The following PTPDC1 variants were observed in gnomAD, a reference collection of about 807,000 sequenced individuals.
The protein encoded by PTPDC1 is protein tyrosine phosphatase domain-containing protein 1.
PTPDC1 carries 53 observed loss-of-function variants against 75.3 expected under a neutral mutation model. That is an observed-to-expected ratio of 0.70 (90% CI 0.56 to 0.88). The LOEUF is 0.88. PTPDC1 is among the 40% of genes least tolerant of loss of function. The probability of loss-of-function intolerance (pLI) is 0.00; values close to 1 mark genes in which losing one functional copy is unlikely to be tolerated. For synonymous variants in PTPDC1, 349 were observed against 366.2 expected, an observed-to-expected ratio of 0.95 and a Z score of 0.54; for missense variants, 925 against 998.6, an observed-to-expected ratio of 0.93 and a Z score of 0.99.
At chr9:94,036,809 AG>A (rs1174755359) in intron 1 of PTPDC1, among the ~76,000 whole-genome samples, 1 of 152,220 alleles carries the variant, frequency 6.6e-6, no homozygotes, top group Non-Finnish European at 1.5e-5. Context: ...CAGGGAACAG[AG>A]TTGCATTTTT....
At chr9:94,050,012 C>T (rs1473347071) in intron 1 of PTPDC1, among the ~76,000 whole-genome samples, 1 of 152,228 alleles carries the variant, frequency 6.6e-6, no homozygotes, top group Non-Finnish European at 1.5e-5. Flanking sequence ...GAATCGGCTA[C>T]TGAGGCTTGT....
At chr9:94,107,749 C>T (rs1257018457) in intron 8 of PTPDC1, 79 bp from the exon 9 acceptor site, 2 of 658,396 alleles carry the variant, frequency 3.0e-6, no homozygotes, top group Non-Finnish European at 5.0e-6. Context: ...TTTTTTTCTC[C>T]ACCCCCTCCT....
chr9:94,094,143 G>A (rs1827437498), intron 4 of PTPDC1, among the ~76,000 whole-genome samples: 1 of 152,206 alleles, frequency 6.6e-6, no homozygotes, highest in African/African-American at 2.4e-5. Flanking sequence ...TTCCTTTGGA[G>A]GAGGAGAGGT....
At chr9:94,053,429 A>G (rs1825842566) in intron 1 of PTPDC1, among the ~76,000 whole-genome samples, 1 of 152,184 alleles carries the variant, frequency 6.6e-6, no homozygotes, top group African/African-American at 2.4e-5. Flanking sequence ...ATTTCAGTTT[A>G]AAAGAAGACT....
chr9:94,034,357 C>T (rs1015580663), intron 1 of PTPDC1, among the ~76,000 whole-genome samples: 1 of 152,028 alleles, frequency 6.6e-6, no homozygotes, highest in Non-Finnish European at 1.5e-5. Flanking sequence ...CATGGTGAAA[C>T]CCCATCTCTA....
rs1363866925 is a variant in PTPDC1, at chr9:94,058,514, CA to C, written c.-6-6219del. ...AGGAGTTCCAGACCAGCCTGGCCAA[CA>C]TGGTGAAATCCCATCTCTACTGAAA... is the stretch of plus-strand genomic sequence containing the variant. On this transcript the variant is annotated intron_variant, in intron 1 of 9. Coordinates refer to the PTPDC1 transcript ENST00000375360. Among the ~76,000 whole-genome samples the C allele has an allele frequency of 9.3e-5, 14 of 150,552 alleles. 1 individual carries two copies. The highest frequency in any genetic ancestry group is 8.6e-4 in the Admixed American group (13 of 15,118).
In PTPDC1 at chr9:94,059,156, G is replaced by T. The variant is rs1044603585; in HGVS notation, c.-6-5578G>T. Among the ~76,000 whole-genome samples, 82 of 152,198 alleles carry T rather than the reference G, an allele frequency of 5.4e-4. 1 individual carries two copies. The highest frequency in any genetic ancestry group is 1.9e-3 in the African/African-American group (78 of 41,498). On this transcript the variant is annotated intron_variant, in intron 1 of 9. Coordinates refer to the PTPDC1 transcript ENST00000375360. ...CTTACTTAAAGCGTCACATAGTTTG[G>T]TGATACAAGATGGTAAAAAAAAAGT...
At chr9:94,060,346 G>T (rs1826089616) in intron 1 of PTPDC1, among the ~76,000 whole-genome samples, 1 of 152,186 alleles carries the variant, frequency 6.6e-6, no homozygotes, top group Non-Finnish European at 1.5e-5. Context: ...CTCACATTTG[G>T]TTAGGATTCT....
At chr9:94,045,796 C>T (rs1490126809) in intron 1 of PTPDC1, among the ~76,000 whole-genome samples, 6 of 151,132 alleles carry the variant, frequency 4.0e-5, no homozygotes, top group Admixed American at 4.0e-4. Context: ...CTGTAGGTTG[C>T]CTGTTCACTC....
At chr9:94,088,594 C>T (rs1319880499) in intron 4 of PTPDC1, among the ~76,000 whole-genome samples, 1 of 152,158 alleles carries the variant, frequency 6.6e-6, no homozygotes, top group Non-Finnish European at 1.5e-5. Flanking sequence ...TATGAAGCCA[C>T]ACGGGGCTTA....
At chr9:94,095,708 G>A (rs7867925) in intron 5 of PTPDC1, among the ~76,000 whole-genome samples, 96,592 of 151,964 alleles carry the variant, frequency 0.64, 32,294 homozygotes, top group African/African-American at 0.84. Context: ...AAGATTATGC[G>A]TATACTAAAT....
intron 1 of PTPDC1, among the ~76,000 whole-genome samples, chr9:94,064,445 A>G (rs1043123468): frequency 6.6e-5 from 10 of 152,228 alleles, no homozygotes; most frequent in African/African-American, 2.4e-4. Context: ...CTCAATGGAA[A>G]CTGTATCATT....
chr9:94,064,957 T>G, intron 2 of PTPDC1: 1 of 648,024 alleles, frequency 1.5e-6, no homozygotes, highest in Non-Finnish European at 2.6e-6. Flanking sequence ...ACTTACTGCC[T>G]TACCATCTTG....
intron 1 of PTPDC1, among the ~76,000 whole-genome samples, chr9:94,051,148 C>T (rs1364693938): frequency 1.3e-5 from 2 of 152,196 alleles, no homozygotes; most frequent in African/African-American, 2.4e-5. Context: ...TTCCCTGACC[C>T]CTTGCACTTC....
intron 2 of PTPDC1, among the ~76,000 whole-genome samples, chr9:94,078,275 G>GA (rs1826762029): frequency 6.6e-6 from 1 of 152,082 alleles, no homozygotes; most frequent in Non-Finnish European, 1.5e-5. Context: ...CAGAAATCTT[G>GA]CTGCATGTAA....
intron 2 of PTPDC1, among the ~76,000 whole-genome samples, chr9:94,068,353 C>T (rs6479526): frequency 0.25 from 37,799 of 151,958 alleles, 4,975 homozygotes; most frequent in East Asian, 0.42. Context: ...CTAGTCACTC[C>T]TTTCTTGACC....
At chr9:94,079,528 G>A (rs1308279153), upstream of PTPDC1, among the ~76,000 whole-genome samples, 1 of 152,172 alleles carries the variant, frequency 6.6e-6, no homozygotes, top group East Asian at 1.9e-4. Flanking sequence ...GGACTTAGTT[G>A]TCTCTTTCCT....
At chr9:94,087,368 A>G (rs964414612) in intron 2 of PTPDC1, among the ~76,000 whole-genome samples, 1 of 152,196 alleles carries the variant, frequency 6.6e-6, no homozygotes, top group African/African-American at 2.4e-5. Flanking sequence ...TCATCTATGT[A>G]ACCTGAAATA....
chr9:94,070,291 G>A (rs1019432930), intron 2 of PTPDC1, among the ~76,000 whole-genome samples: 2 of 151,876 alleles, frequency 1.3e-5, no homozygotes, highest in Non-Finnish European at 1.5e-5. Flanking sequence ...CACCCAACTC[G>A]GCTGTATTTT....
Sources: gnomAD v4.1 joint callset for allele counts (sites outside exome capture counted in the v4.1 genomes callset) on GRCh38, gnomAD v4.1.1 for gene constraint, MANE v1.5 for transcripts, NCBI Gene and HGNC (gene_info 2026-07-23, HGNC 2026-07-21) for gene names.